ACTR3C: variants seen among roughly 807,000 people sequenced by gnomAD.
The protein encoded by ACTR3C is actin related protein 3C, also known as actin-related protein 3C.
Under a neutral mutation model 26.3 loss-of-function variants are expected in ACTR3C, and 18 were observed. That is an observed-to-expected ratio of 0.68 (90% CI 0.47 to 1.01). ACTR3C has a LOEUF of 1.01. Among genes scored for constraint, ACTR3C ranks in the 50% least tolerant of loss-of-function variants. ACTR3C has a pLI of 0.00. For missense variants in ACTR3C, 184 were observed against 250.7 expected, an observed-to-expected ratio of 0.73 and a Z score of 1.80; for synonymous variants, 55 against 94.5, an observed-to-expected ratio of 0.58 and a Z score of 2.42.
chr7:150,196,785 G>A, the ACTR3C span, among the ~76,000 whole-genome samples: 1 of 152,248 alleles, frequency 6.6e-6, no homozygotes, highest in Middle Eastern at 3.4e-3. Context: ...TATTTATGTT[G>A]AGTGTACCAC....
At chr7:150,152,068 A>G in the ACTR3C span, among the ~76,000 whole-genome samples, 1 of 150,500 alleles carries the variant, frequency 6.6e-6, no homozygotes, top group South Asian at 2.2e-4. Flanking sequence ...CTAGATATAC[A>G]ATCATGTCAT....
intron 2 of ACTR3C, among the ~76,000 whole-genome samples, chr7:150,294,281 G>A (rs1022924473): frequency 3.9e-5 from 6 of 152,254 alleles, no homozygotes; most frequent in East Asian, 1.9e-4. Context: ...CAGGGATGCC[G>A]CTACGCTCCC....
At chr7:150,285,414 C>T (rs1045827209) in intron 5 of ACTR3C, among the ~76,000 whole-genome samples, 6 of 152,130 alleles carry the variant, frequency 3.9e-5, no homozygotes, top group East Asian at 1.9e-4. Flanking sequence ...TAAAGTATAA[C>T]GAATTCAACT....
At chr7:150,181,884 C>T in the ACTR3C span, among the ~76,000 whole-genome samples, 1 of 150,408 alleles carries the variant, frequency 6.6e-6, no homozygotes. Context: ...TCCCCTTGTG[C>T]CAGACCCTGT....
At chr7:150,272,458 A>G (rs397833285) in intron 6 of ACTR3C, among the ~76,000 whole-genome samples, 6 of 139,302 alleles carry the variant, frequency 4.3e-5, no homozygotes, top group Non-Finnish European at 8.9e-5. Context: ...CAGAACTACT[A>G]TGATGGCTTA....
intron 4 of ACTR3C, among the ~76,000 whole-genome samples, chr7:150,287,306 G>A (rs996028008): frequency 6.6e-5 from 10 of 152,228 alleles, no homozygotes; most frequent in African/African-American, 2.4e-4. Context: ...AAAGTGATAG[G>A]TCCCGGGGAA....
chr7:150,186,883 C>CA, the ACTR3C span, among the ~76,000 whole-genome samples: 12 of 150,798 alleles, frequency 8.0e-5, no homozygotes, highest in Non-Finnish European at 1.2e-4. Context: ...TATTTAAAAA[C>CA]AAAAAAAAGG....
the ACTR3C span, among the ~76,000 whole-genome samples, chr7:150,066,489 C>G: frequency 6.6e-6 from 1 of 152,284 alleles, no homozygotes; most frequent in African/African-American, 2.4e-5. Flanking sequence ...CCAGGTATAC[C>G]TCTATCTTTA....
the ACTR3C span, among the ~76,000 whole-genome samples, chr7:149,963,192 G>C: frequency 5.4e-5 from 8 of 147,376 alleles, no homozygotes; most frequent in African/African-American, 2.0e-4. Flanking sequence ...GCTGATGGGA[G>C]TAGAAGATCA....
the ACTR3C span, among the ~76,000 whole-genome samples, chr7:150,122,330 G>A: frequency 3.9e-5 from 6 of 152,078 alleles, no homozygotes; most frequent in East Asian, 1.9e-4. Flanking sequence ...GAAAATTTTT[G>A]TAATCTATCC....
chr7:150,314,229 G>A (rs966693547), intron 1 of ACTR3C, among the ~76,000 whole-genome samples: 5 of 152,222 alleles, frequency 3.3e-5, no homozygotes, highest in African/African-American at 7.2e-5. Context: ...GTGACTTTAT[G>A]TGACCAGTTT....
At chr7:150,227,688 G>GTTTTTTT in the ACTR3C span, among the ~76,000 whole-genome samples, 349 of 111,196 alleles carry the variant, frequency 3.1e-3, 3 homozygotes, top group East Asian at 0.011. Context: ...TTGTGTCTGG[G>GTTTTTTT]TTTTTTTTTT....
At chr7:150,110,953 G>C in the ACTR3C span, among the ~76,000 whole-genome samples, 1 of 150,538 alleles carries the variant, frequency 6.6e-6, no homozygotes, top group Admixed American at 6.6e-5. Flanking sequence ...GGGCCCCCTT[G>C]CATCTTGCAG....
At chr7:149,921,864 G>A in the ACTR3C span, among the ~76,000 whole-genome samples, 2 of 151,832 alleles carry the variant, frequency 1.3e-5, no homozygotes, top group Admixed American at 6.6e-5. Flanking sequence ...GTGTCAGAGC[G>A]AGACTCTGTC....
chr7:150,321,748 AAAAAT>A (rs1797535959), intron 1 of ACTR3C, among the ~76,000 whole-genome samples: 1 of 152,234 alleles, frequency 6.6e-6, no homozygotes, highest in Non-Finnish European at 1.5e-5. Flanking sequence ...TCAAAAAAAT[AAAAAT>A]AAAAATAAAA....
chr7:150,201,231 C>G, the ACTR3C span, among the ~76,000 whole-genome samples: 1 of 152,204 alleles, frequency 6.6e-6, no homozygotes, highest in Non-Finnish European at 1.5e-5. Flanking sequence ...TCTTCACCAC[C>G]CAGGTGCTGC....
chr7:150,147,955 A>G, the ACTR3C span, among the ~76,000 whole-genome samples: 2 of 148,584 alleles, frequency 1.3e-5, no homozygotes, highest in Admixed American at 6.8e-5. Context: ...ATGAGAACAC[A>G]GGACACATAG....
At chr7:150,190,759 G>A in the ACTR3C span, among the ~76,000 whole-genome samples, 1 of 152,148 alleles carries the variant, frequency 6.6e-6, no homozygotes, top group Non-Finnish European at 1.5e-5. Flanking sequence ...CCAGGACTGG[G>A]TAATTTATAA....
At chr7:149,938,954 T>TATA in the ACTR3C span, among the ~76,000 whole-genome samples, 5 of 146,490 alleles carry the variant, frequency 3.4e-5, no homozygotes, top group East Asian at 3.9e-4. Flanking sequence ...TGTATATATA[T>TATA]AAAAATATAT....
Sources: gnomAD v4.1 joint callset for allele counts (sites outside exome capture counted in the v4.1 genomes callset) on GRCh38, gnomAD v4.1.1 for gene constraint, MANE v1.5 for transcripts, NCBI Gene and HGNC (gene_info 2026-07-23, HGNC 2026-07-21) for gene names.